The following BTBD10 variants were observed in gnomAD, a reference collection of about 807,000 sequenced individuals.
BTBD10 encodes BTB domain containing 10, also known as BTB/POZ domain-containing protein 10.
BTBD10 carries 21 observed loss-of-function variants against 53.2 expected under a neutral mutation model. That is an observed-to-expected ratio of 0.39 (90% CI 0.28 to 0.57). The LOEUF is 0.57. Among genes scored for constraint, BTBD10 ranks in the 20% least tolerant of loss-of-function variants. BTBD10 has a pLI of 0.53. For missense variants in BTBD10, 360 were observed against 594.7 expected, an observed-to-expected ratio of 0.61 and a Z score of 4.10; for synonymous variants, 149 against 192.7, an observed-to-expected ratio of 0.77 and a Z score of 1.88.
At chr11:13,428,587 T>C (rs1228374590) in intron 2 of BTBD10, among the ~76,000 whole-genome samples, 1 of 151,920 alleles carries the variant, frequency 6.6e-6, no homozygotes, top group Non-Finnish European at 1.5e-5. Flanking sequence ...GAAAAAAATA[T>C]TACAAGAAAA....
chr11:13,453,416 T>A (rs909134577), intron 1 of BTBD10, among the ~76,000 whole-genome samples: 10 of 152,222 alleles, frequency 6.6e-5, no homozygotes, highest in African/African-American at 2.4e-4. Flanking sequence ...AATGCTGGAA[T>A]AAGGAGACTT....
At chr11:13,431,875 G>C (rs1950454391) in intron 2 of BTBD10, among the ~76,000 whole-genome samples, 1 of 152,038 alleles carries the variant, frequency 6.6e-6, no homozygotes. Context: ...AATGAAACTA[G>C]AGACTCCTAC....
At chr11:13,446,247 A>G (rs1170482138) in intron 1 of BTBD10, among the ~76,000 whole-genome samples, 1 of 152,106 alleles carries the variant, frequency 6.6e-6, no homozygotes, top group African/African-American at 2.4e-5. Context: ...GCTGGATTTG[A>G]TGGTGGGAGG....
chr11:13,403,329 A>G, intron 7 of BTBD10, 51 bp from the exon 8 acceptor site: 1 of 1,043,760 alleles, frequency 9.6e-7, no homozygotes, highest in South Asian at 1.7e-5. Flanking sequence ...GGATTTAGAG[A>G]TGAACTTAAA....
chr11:13,410,483 A>T (rs1449299821), intron 6 of BTBD10, among the ~76,000 whole-genome samples: 1 of 152,144 alleles, frequency 6.6e-6, no homozygotes, highest in Non-Finnish European at 1.5e-5. Flanking sequence ...TGCTCCTCCC[A>T]CCTCAGCCTC....
chr11:13,432,507 G>A (rs532677834), intron 2 of BTBD10, among the ~76,000 whole-genome samples: 13 of 152,076 alleles, frequency 8.5e-5, no homozygotes, highest in South Asian at 4.1e-4. Context: ...CTCACTGTAC[G>A]ATTTTTTGTG....
chr11:13,391,128 T>C lies in BTBD10; in HGVS notation c.1118-1987A>G, dbSNP rs184706628. Among the ~76,000 whole-genome samples, 255 of 152,352 alleles carry C rather than the reference T, an allele frequency of 1.7e-3. 1 individual carries two copies. The highest frequency in any genetic ancestry group is 5.8e-3 in the African/African-American group (241 of 41,584). On this transcript the variant is annotated intron_variant, in intron 8 of 8. Coordinates refer to ENST00000278174, the MANE Select transcript of BTBD10 (RefSeq NM_032320.7). ...CTACCAATGGTTTCCTCGTGCTTAA[T>C]TGGAAGGTCTGTACTCCTCAGAATA...
intron 4 of BTBD10, 64 bp from the exon 5 acceptor site, chr11:13,417,324 T>C (rs915898795): frequency 2.5e-6 from 3 of 1,187,476 alleles, no homozygotes; most frequent in African/African-American, 1.5e-5. Context: ...GAAAATAGAT[T>C]TCATGTACAA....
At chr11:13,439,905 G>GTAGA in intron 2 of BTBD10, 1 of 1,532,070 alleles carries the variant, frequency 6.5e-7, no homozygotes, top group Non-Finnish European at 8.7e-7. Flanking sequence ...ATATGCCAAG[G>GTAGA]TAGACACACA....
chr11:13,451,371 C>T (rs1040739776), intron 1 of BTBD10, among the ~76,000 whole-genome samples: 3 of 152,140 alleles, frequency 2.0e-5, no homozygotes, highest in Admixed American at 2.0e-4. Context: ...CCACCACTAG[C>T]AGGTAAAGAT....
At chr11:13,432,407 T>TTG (rs1006017853) in intron 2 of BTBD10, among the ~76,000 whole-genome samples, 1 of 152,198 alleles carries the variant, frequency 6.6e-6, no homozygotes, top group Non-Finnish European at 1.5e-5. Context: ...GTTATTAGTA[T>TTG]TGTACTCACG....
chr11:13,424,709 G>A (rs969201772), intron 2 of BTBD10, among the ~76,000 whole-genome samples: 5 of 152,044 alleles, frequency 3.3e-5, no homozygotes, highest in African/African-American at 1.2e-4. Flanking sequence ...AGAATAACAA[G>A]GGCTGAGTTC....
At chr11:13,461,745 A>G (rs1951102669) in intron 1 of BTBD10, among the ~76,000 whole-genome samples, 1 of 152,162 alleles carries the variant, frequency 6.6e-6, no homozygotes, top group Non-Finnish European at 1.5e-5. Context: ...ACATTGTTGA[A>G]ACACTAAAAG....
chr11:13,392,899 T>C (rs544293935), intron 8 of BTBD10, among the ~76,000 whole-genome samples: 1 of 152,322 alleles, frequency 6.6e-6, no homozygotes, highest in Non-Finnish European at 1.5e-5. Flanking sequence ...TTCTACTGAG[T>C]TCAGGACAAG....
At chr11:13,400,717 G>A (rs991672810) in intron 8 of BTBD10, among the ~76,000 whole-genome samples, 7 of 152,166 alleles carry the variant, frequency 4.6e-5, no homozygotes, top group East Asian at 1.9e-4. Context: ...CTTTAAAGCC[G>A]TGAGAAAACG....
At chr11:13,397,271 A>G (rs1949578771) in intron 8 of BTBD10, among the ~76,000 whole-genome samples, 1 of 152,120 alleles carries the variant, frequency 6.6e-6, no homozygotes, top group Admixed American at 6.5e-5. Context: ...TAGTCTTGGG[A>G]GAGTGTATGT....
chr11:13,430,378 A>G (rs1012802304), intron 2 of BTBD10, among the ~76,000 whole-genome samples: 1 of 152,216 alleles, frequency 6.6e-6, no homozygotes, highest in Non-Finnish European at 1.5e-5. Context: ...TCAAGCATTG[A>G]TGAGTACATG....
intron 6 of BTBD10, among the ~76,000 whole-genome samples, chr11:13,409,904 G>C (rs907504257): frequency 6.6e-6 from 1 of 152,120 alleles, no homozygotes; most frequent in Non-Finnish European, 1.5e-5. Flanking sequence ...GAAGGAAGAG[G>C]GGACGAAAGG....
intron 2 of BTBD10, among the ~76,000 whole-genome samples, chr11:13,431,354 T>C (rs1214126423): frequency 6.6e-6 from 1 of 152,096 alleles, no homozygotes; most frequent in African/African-American, 2.4e-5. Context: ...CCAGTAAACT[T>C]ACCACAAAAG....
Sources: gnomAD v4.1 joint callset for allele counts (sites outside exome capture counted in the v4.1 genomes callset) on GRCh38, gnomAD v4.1.1 for gene constraint, MANE v1.5 for transcripts, NCBI Gene and HGNC (gene_info 2026-07-23, HGNC 2026-07-21) for gene names.